Variants in GAN observed in about 807,000 individuals in gnomAD.
GAN encodes epididymis secretory sperm binding protein.
GAN carries 48 observed loss-of-function variants against 71.3 expected under a neutral mutation model. The ratio of observed to expected loss-of-function variants is 0.67; its 90% confidence interval spans 0.53 to 0.86. The LOEUF is 0.86. Among genes scored for constraint, GAN ranks in the 40% least tolerant of loss-of-function variants. The pLI, the probability that GAN is intolerant of heterozygous loss-of-function variation, is 0.00. For synonymous variants in GAN, 386 were observed against 276.8 expected, an observed-to-expected ratio of 1.39 and a Z score of -3.92; for missense variants, 928 against 770.1, an observed-to-expected ratio of 1.21 and a Z score of -2.43.
At chr16:81,320,999 A>G (rs986181984) in intron 1 of GAN, among the ~76,000 whole-genome samples, 1 of 152,014 alleles carries the variant, frequency 6.6e-6, no homozygotes, top group Non-Finnish European at 1.5e-5. Context: ...GATAATAACT[A>G]TGTTCAGTTT....
chr16:81,348,499 C>G (rs1011143260), intron 1 of GAN, among the ~76,000 whole-genome samples: 1 of 152,150 alleles, frequency 6.6e-6, no homozygotes, highest in Admixed American at 6.5e-5. Context: ...AAAACAGTTT[C>G]TTAACCAATG....
At chr16:81,335,469 G>A (rs926407927) in intron 1 of GAN, among the ~76,000 whole-genome samples, 14 of 151,846 alleles carry the variant, frequency 9.2e-5, no homozygotes, top group African/African-American at 3.1e-4. Context: ...ATACATGGCC[G>A]GGCATGGTGG....
Position 81,364,043 on chromosome 16 carries a change from G to A in GAN, c.1236+100G>A. The stretch of plus-strand genomic sequence containing the variant: ...ATAAACCTTTAATATAACTGATGGT[G>A]TTAAAAGAATTAACTTTATAGAACT... On this transcript the variant is annotated intron_variant, in intron 7 of 10. Coordinates refer to ENST00000648994, the MANE Select transcript of GAN (RefSeq NM_022041.4). 6.3e-6 allele frequency: 6 copies of A among 953,490 alleles called. No homozygotes were observed. In the South Asian group the frequency reaches 7.8e-5, roughly 12 times the overall value. The allele number at this position is 953,490 out of a possible 1,614,324, so 59.1% of individuals were successfully genotyped here. A position where few individuals can be genotyped will look rare whatever the true frequency, so the allele number is the denominator to read the frequency against.
In GAN at chr16:81,342,656, C is replaced by T. The variant is rs139372259; in HGVS notation, c.168-8927C>T. Among the ~76,000 whole-genome samples, 496 of 152,254 alleles carry T rather than the reference C, an allele frequency of 3.3e-3. 3 individuals are homozygous for T. The highest frequency in any genetic ancestry group is 0.011 in the African/African-American group (457 of 41,552). The stretch of plus-strand genomic sequence containing the variant: ...AATATGTAGAGGGAAATTTATAGCA[C>T]GAAATGCCCACAAGAGAAAGCAGGA... On this transcript the variant is annotated intron_variant, in intron 1 of 10. Transcript: ENST00000648994.
At position 81,388,926 on chromosome 16, in the gene GAN, T is replaced by A. The variant is rs1434557836; in HGVS notation, c.*11330T>A. The A allele has an allele frequency of 6.6e-6, 1 of 152,196 alleles. No homozygotes were observed. The highest frequency in any genetic ancestry group is 1.5e-5 in the Non-Finnish European group (1 of 68,026). 9.4% of individuals were successfully genotyped at this position (152,196 alleles called of 1,614,324 possible). On this transcript the variant is annotated 3_prime_UTR_variant, in exon 11 of 11. Coordinates refer to ENST00000648994, the MANE Select transcript of GAN (RefSeq NM_022041.4). Reference sequence around the variant, plus strand: ...TCAAAAGAAACTCCAAAAAATAAATTTATTGTTAGTCTAGCATATGCTCAT... The same window carrying A: ...TCAAAAGAAACTCCAAAAAATAAATATATTGTTAGTCTAGCATATGCTCAT...
rs201451382 is a variant in GAN, at chr16:81,362,542, G to A, written c.1017G>A (p.Gln339=). ...FVFGGQDENK[Q]TLSSGEKYDP... ...TCGGGGGCCAAGATGAAAATAAGCA[G>A]ACTCTTAGCTCAGGAGAAAAGTATG... Residue 339 remains glutamine, a synonymous_variant, in exon 6 of 11, where the codon CAG becomes CAA. Transcript: ENST00000648994. 6.1e-5 allele frequency: 98 copies of A among 1,610,454 alleles called. No individual in the cohort carries two copies. The East Asian group carries it at 2.1e-3, about 35-fold the overall frequency.
At chr16:81,332,160 T>TC (rs35236936) in intron 1 of GAN, among the ~76,000 whole-genome samples, 29,921 of 130,374 alleles carry the variant, frequency 0.23, 4,386 homozygotes, top group East Asian at 0.66. Context: ...AAAATCTGTC[T>TC]CAAAAAAAAA....
chr16:81,345,408 A>G (rs1394043619), intron 1 of GAN, among the ~76,000 whole-genome samples: 2 of 152,244 alleles, frequency 1.3e-5, no homozygotes, highest in Non-Finnish European at 2.9e-5. Context: ...ATGGAATACT[A>G]TGCAGCCATA....
At chr16:81,363,622 C>G (rs1020340203) in intron 6 of GAN, among the ~76,000 whole-genome samples, 172 bp from the exon 7 acceptor site, 1 of 152,106 alleles carries the variant, frequency 6.6e-6, no homozygotes, top group Non-Finnish European at 1.5e-5. Context: ...AGCGTCGTAC[C>G]CAATAGTTAG....
In GAN at chr16:81,383,131, A is replaced by G. The variant is rs1904315043; in HGVS notation, c.*5535A>G. ...GTTCTTTTTCAGTTCTGTCATTGAAATTCTCTAAGTGATTGGATTTTTAAA... is the reference window on the plus strand; with the variant it reads ...GTTCTTTTTCAGTTCTGTCATTGAAGTTCTCTAAGTGATTGGATTTTTAAA... On this transcript the variant is annotated 3_prime_UTR_variant, in exon 11 of 11. Coordinates refer to ENST00000648994, the MANE Select transcript of GAN (RefSeq NM_022041.4). 6.6e-6 allele frequency: 1 copy of G among 151,726 alleles called. No homozygotes were observed. Among genetic ancestry groups the G allele is most frequent in the Non-Finnish European group, 1.5e-5 (1 of 67,964 alleles). 9.4% of individuals were successfully genotyped at this position (151,726 alleles called of 1,614,324 possible).
intron 1 of GAN, among the ~76,000 whole-genome samples, chr16:81,348,587 T>C (rs961767834): frequency 2.0e-5 from 3 of 152,246 alleles, no homozygotes; most frequent in African/African-American, 7.2e-5. Flanking sequence ...CATCTCCAAA[T>C]GCTGGGGGCC....
chr16:81,344,137 C>T (rs1308305796), intron 1 of GAN, among the ~76,000 whole-genome samples: 5 of 152,202 alleles, frequency 3.3e-5, no homozygotes, highest in African/African-American at 1.2e-4. Flanking sequence ...GAAAAACATT[C>T]CATGCTCATG....
chr16:81,333,090 A>G (rs962403568), intron 1 of GAN, among the ~76,000 whole-genome samples: 1 of 152,114 alleles, frequency 6.6e-6, no homozygotes, highest in East Asian at 1.9e-4. Context: ...ATACAAAACA[A>G]AAATTAGCCA....
At position 81,360,724 on chromosome 16, in the gene GAN, A is replaced by G. The variant is rs139274751; in HGVS notation, c.974-1775A>G. ...TTTTTATTTTTTAAACATGATAAGC[A>G]TTTGTTTAAATTATCTTTGTTTTTT... On this transcript the variant is annotated intron_variant, in intron 5 of 10. Transcript: ENST00000648994. 2.4e-3 allele frequency among the ~76,000 whole-genome samples: 370 copies of G among 152,136 alleles called. 4 individuals are homozygous for G. Among genetic ancestry groups the G allele is most frequent in the African/African-American group, 8.5e-3 (354 of 41,512 alleles).
intron 1 of GAN, among the ~76,000 whole-genome samples, chr16:81,346,944 C>T (rs568259517): frequency 8.5e-5 from 13 of 152,138 alleles, no homozygotes; most frequent in Non-Finnish European, 1.8e-4. Context: ...AGGATCAGAT[C>T]CATTTTTCCA....
intron 7 of GAN, among the ~76,000 whole-genome samples, chr16:81,364,654 A>G (rs1305103293): frequency 6.6e-6 from 1 of 152,132 alleles, no homozygotes; most frequent in African/African-American, 2.4e-5. Context: ...GCACCACTGC[A>G]CTCCAGCCAA....
Position 81,377,539 on chromosome 16 carries a change from G to A in GAN, c.1737G>A (p.Lys579=), listed in dbSNP as rs1567501499. 6.2e-7 allele frequency: 1 copy of A among 1,614,188 alleles called. No homozygotes were observed. Among genetic ancestry groups the A allele is most frequent in the Non-Finnish European group, 8.5e-7 (1 of 1,180,038 alleles). Residue 579 remains lysine, a synonymous_variant, in exon 11 of 11, where the codon AAG becomes AAA. Transcript: ENST00000648994. ...CAGCCTTACGCATTGCGAATTGCAA[G>A]CTTTTCCGCCTGCAGCTTCAGCAAG... ...GCAALRIANC[K]LFRLQLQQGL...
rs373811145 is a variant in GAN, at chr16:81,356,946, C to G, written c.795C>G (p.Asn265Lys). The change falls in exon 4 of 11, where the codon AAC becomes AAG. Residue 265 changes from asparagine (N) to lysine (K), a missense_variant. By Grantham distance (94) the Asn-to-Lys change is moderately conservative. Coordinates refer to ENST00000648994, the MANE Select transcript of GAN (RefSeq NM_022041.4). ...AGCAAGGGGAGGCGATGCTGGCCAACTTCAAACCCCGGGGCTACTCTGAGT... is the reference window on the plus strand; with the variant it reads ...AGCAAGGGGAGGCGATGCTGGCCAAGTTCAAACCCCGGGGCTACTCTGAGT... ...QPQQGEAMLA[N>K]FKPRGYSECI... 15 of 1,613,590 alleles carry G rather than the reference C, an allele frequency of 9.3e-6. No individual in the cohort carries two copies. The African/African-American group carries it at 2.0e-4, about 22-fold the overall frequency.
At chr16:81,363,763 G>T (rs1232108808) in intron 6 of GAN, 31 bp from the exon 7 acceptor site, 1 of 1,606,678 alleles carries the variant, frequency 6.2e-7, no homozygotes. Flanking sequence ...CATTGGCCTT[G>T]TGTGTTCAGG....
Sources: gnomAD v4.1 joint callset for allele counts (sites outside exome capture counted in the v4.1 genomes callset) on GRCh38, gnomAD v4.1.1 for gene constraint, MANE v1.5 for transcripts, NCBI Gene and HGNC (gene_info 2026-07-23, HGNC 2026-07-21) for gene names.